Variants in MATK observed in about 807,000 individuals in gnomAD.
The protein encoded by MATK is megakaryocyte-associated tyrosine-protein kinase.
In MATK, 41 loss-of-function variants were observed where a neutral mutation model predicts 59.8. The ratio of observed to expected loss-of-function variants is 0.69; its 90% CI spans 0.53 to 0.89. MATK has a LOEUF of 0.89. Ranked by LOEUF, MATK falls within the 40% of genes least tolerant of loss-of-function variation. The pLI is 0.00. For missense variants in MATK, 593 were observed against 719.6 expected (o/e 0.82, Z 2.01); for synonymous variants, 308 against 306.1 (o/e 1.01, Z -0.06).
rs1454153768 is a variant in MATK, at chr19:3,778,990, AC to A, written c.1197+1del. 6.5e-7 allele frequency: 1 copy of A among 1,549,880 alleles called. No homozygotes were observed. Among genetic ancestry groups the A allele is most frequent in the Non-Finnish European group, 8.7e-7 (1 of 1,152,298 alleles). On this transcript the variant is annotated splice_donor_variant, in intron 12 of 13. Transcript: ENST00000310132. LOFTEE classifies it high-confidence loss of function. ...CCAGGGGTATGTGAAGGCAGGGCTC[AC>A]CCCGTGTTTGAGAGCCTCGGGCGCC...
At chr19:3,787,357 A>G (rs2037497123), upstream of MATK, 1 of 148,126 alleles carries the variant, frequency 6.8e-6, no homozygotes, top group African/African-American at 2.5e-5. Context: ...TCCTGGGAGG[A>G]ATCCAAGAAT....
rs1568408057 is a variant in MATK at position 3,785,111 on chromosome 19, A to T, written c.25T>A (p.Ser9Thr). ...TCACAGCCGTGAAATGCCCGCCAGG[A>T]AACCAGAGAGCCTCGCCCCGCCATC... Reference protein sequence around the residue: MAGRGSLVSWRAFHGCDSA... With the variant: MAGRGSLVTWRAFHGCDSA... The change falls in exon 2 of 14, where the codon TCC becomes ACC. Residue 9 changes from serine (S) to threonine (T), a missense_variant. Transcript: ENST00000310132. 3 of 1,614,092 alleles carry T rather than the reference A, an allele frequency of 1.9e-6. No homozygotes were observed. The highest frequency in any genetic ancestry group is 2.5e-6 in the Non-Finnish European group (3 of 1,179,994).
rs533998414 is a variant in MATK at position 3,800,711 on chromosome 19, GGTT to G, written c.-58+818_-58+820del. On this transcript the variant is annotated intron_variant, in intron 1 of 13. Coordinates refer to the MATK transcript ENST00000395045. The stretch of plus-strand genomic sequence containing the variant: ...TGTTCACAGTAGCTGATAATTTTGT[GGTT>G]GTTTTGTGATTGTTTTGTTTTCCTT... 9.8e-4 allele frequency among the ~76,000 whole-genome samples: 149 copies of G among 152,190 alleles called. 1 individual carries two copies. The highest frequency in any genetic ancestry group is 3.4e-3 in the African/African-American group (143 of 41,522).
chr19:3,796,162 C>T (rs905839258), intron 1 of MATK, among the ~76,000 whole-genome samples: 3 of 152,124 alleles, frequency 2.0e-5, no homozygotes, highest in Admixed American at 6.6e-5. Flanking sequence ...TAAAGCTCCT[C>T]AACTCAGCAA....
In MATK at chr19:3,796,802, T is replaced by C. The variant is rs562196357; in HGVS notation, c.-58+4730A>G. ...CCCCCTAGGGTTTCCAGAGAAAGTG[T>C]TTTCCTCCTACTCTCCTGGGTAATT... On this transcript the variant is annotated intron_variant, in intron 1 of 13. Transcript: ENST00000395045. Among the ~76,000 whole-genome samples the C allele has an allele frequency of 5.8e-4, 88 of 152,284 alleles. 1 individual carries two copies. The highest frequency in any genetic ancestry group is 3.4e-3 in the Middle Eastern group (1 of 294).
Position 3,778,069 on chromosome 19 carries a change from G to A in MATK, c.*114C>T, listed in dbSNP as rs1413686181. ...CCCTACGTGGGCCAGCCCCTGCTGT[G>A]GGCACCAGGAGGATGACTTGCCCGC... is the stretch of plus-strand genomic sequence containing the variant. On this transcript the variant is annotated 3_prime_UTR_variant, in exon 14 of 14. Transcript: ENST00000310132. The A allele has an allele frequency of 2.0e-5, 28 of 1,417,818 alleles. No homozygotes were observed. The highest frequency in any genetic ancestry group is 2.6e-5 in the Non-Finnish European group (28 of 1,080,386). The allele number at this position is 1,417,818 out of a possible 1,614,324, so 87.8% of individuals were successfully genotyped here. A position where few individuals can be genotyped will look rare whatever the true frequency, so the allele number is the denominator to read the frequency against.
intron 7 of MATK, chr19:3,782,755 A>C: frequency 3.0e-5 from 8 of 265,794 alleles, no homozygotes; most frequent in Admixed American, 5.1e-5. Context: ...CCCTCTGGGA[A>C]GGAGGCGGTC....
Position 3,784,403 on chromosome 19 carries a change from G to A in MATK, c.181C>T (p.Arg61Cys), listed in dbSNP as rs770306944. Residue 61 changes from arginine (R) to cysteine (C), a missense_variant, in exon 4 of 14, where the codon CGC becomes TGC. Coordinates refer to ENST00000310132, the MANE Select transcript of MATK (RefSeq NM_139355.3). ...AAGGCCAGCTCCCCTGGCTTGGGGC[G>A]GGTGTGCTCGCATTTGGTGATACAC... is the stretch of plus-strand genomic sequence containing the variant. ...TQCITKCEHT[R>C]PKPGELAFRK... 11 of 1,604,980 alleles carry A rather than the reference G, an allele frequency of 6.9e-6. No individual in the cohort carries two copies. The highest frequency in any genetic ancestry group is 4.0e-5 in the African/African-American group (3 of 74,850).
intron 1 of MATK, among the ~76,000 whole-genome samples, chr19:3,799,500 A>T (rs1296771075): frequency 6.6e-6 from 1 of 152,242 alleles, no homozygotes; most frequent in African/African-American, 2.4e-5. Context: ...CCCAGCACAC[A>T]TCACAGGTGT....
intron 1 of MATK, among the ~76,000 whole-genome samples, chr19:3,798,710 C>T (rs907749707): frequency 4.0e-5 from 6 of 150,546 alleles, no homozygotes; most frequent in Non-Finnish European, 8.8e-5. Context: ...CGGGATTTCA[C>T]CATGTTGGTC....
intron 7 of MATK, among the ~76,000 whole-genome samples, chr19:3,782,216 G>A (rs2037412192): frequency 6.6e-6 from 1 of 152,150 alleles, no homozygotes; most frequent in African/African-American, 2.4e-5. Context: ...TAGCCTCCCT[G>A]ACCCTTCTCC....
At chr19:3,783,748 G>T in intron 6 of MATK, 66 bp downstream of exon 6, 1 of 1,472,114 alleles carries the variant, frequency 6.8e-7, no homozygotes, top group African/African-American at 1.4e-5. Flanking sequence ...CTCTACGTAG[G>T]GGAGTCTCCG....
chr19:3,798,753 G>A (rs1261881861), intron 1 of MATK, among the ~76,000 whole-genome samples: 1 of 150,790 alleles, frequency 6.6e-6, no homozygotes, highest in African/African-American at 2.4e-5. Flanking sequence ...CTCAGGTGAT[G>A]CACCTGCCTC....
chr19:3,784,630 A>G lies in MATK; in HGVS notation c.133-179T>C. 5 of 654,266 alleles carry G rather than the reference A, an allele frequency of 7.6e-6. No homozygotes were observed. The East Asian group carries it at 1.4e-4, about 18-fold the overall frequency. The allele number at this position is 654,266 out of a possible 1,614,324, so 40.5% of individuals were successfully genotyped here. A position where few individuals can be genotyped will look rare whatever the true frequency, so the allele number is the denominator to read the frequency against. ...GAAAGGGGGAGTGGGGTGCTCAGAG[A>G]GAAATCGTAGAGTCACAAAGAGAGG... is the stretch of plus-strand genomic sequence containing the variant. On this transcript the variant is annotated intron_variant, in intron 3 of 13. Transcript: ENST00000310132.
At chr19:3,796,095 TG>T (rs534888931) in intron 1 of MATK, among the ~76,000 whole-genome samples, 16 of 152,204 alleles carry the variant, frequency 1.1e-4, no homozygotes, top group African/African-American at 3.9e-4. Flanking sequence ...CTGATACTCA[TG>T]GCATGTAATA....
chr19:3,791,973 C>T (rs543479010), intron 1 of MATK, among the ~76,000 whole-genome samples: 33 of 151,986 alleles, frequency 2.2e-4, no homozygotes, highest in Admixed American at 5.9e-4. Flanking sequence ...CTGGGCGTGG[C>T]GGCGGGTGCC....
chr19:3,800,165 G>GA (rs1176869274), intron 1 of MATK, among the ~76,000 whole-genome samples: 3 of 151,566 alleles, frequency 2.0e-5, no homozygotes, highest in Non-Finnish European at 4.4e-5. Flanking sequence ...AGAAAAAAAG[G>GA]AAAAAAGAAA....
Position 3,784,851 on chromosome 19 carries a change from G to A in MATK, c.106C>T (p.Pro36Ser), listed in dbSNP as rs1248828504. 6.4e-7 allele frequency: 1 copy of A among 1,551,246 alleles called. No individual in the cohort carries two copies. Residue 36 changes from proline (P) to serine (S), a missense_variant, in exon 3 of 14, where the codon CCT becomes TCT. Pro to Ser is a moderately conservative substitution (Grantham distance 74). Coordinates refer to ENST00000310132, the MANE Select transcript of MATK (RefSeq NM_139355.3). Reference protein sequence around the residue: ...SPRFLRAWHPPPVSARMPTRR... With the variant: ...SPRFLRAWHPSPVSARMPTRR... ...GTTGGCATCCTGGCTGAGACGGGAGGGGGGTGCCAGGCTCGGAGGAAGCGG... is the reference window on the plus strand; with the variant it reads ...GTTGGCATCCTGGCTGAGACGGGAGAGGGGTGCCAGGCTCGGAGGAAGCGG...
intron 8 of MATK, 43 bp downstream of exon 8, chr19:3,781,564 C>T: frequency 1.9e-6 from 3 of 1,602,804 alleles, no homozygotes; most frequent in Non-Finnish European, 2.6e-6. Context: ...CAATACGCAC[C>T]TCCCATCTTC....
Sources: allele counts gnomAD v4.1 joint callset (sites outside exome capture counted in the v4.1 genomes callset), GRCh38; gene constraint gnomAD v4.1.1; transcripts MANE v1.5; gene names NCBI Gene and HGNC (gene_info 2026-07-23, HGNC 2026-07-21).